Variants in MEX3D observed in about 807,000 individuals in gnomAD.
MEX3D encodes mex-3 RNA binding family member D.
MEX3D carries 4 observed loss-of-function variants against 6.3 expected under a neutral mutation model. The observed-to-expected ratio is 0.64, with a 90% CI of 0.31 to 1.46. The LOEUF is 1.46. Ranked by LOEUF, MEX3D falls within the 40% of genes most tolerant of loss-of-function variation. The pLI is 0.07. For missense variants in MEX3D, 1,038 were observed against 994.4 expected (o/e 1.04, Z -0.59); for synonymous variants, 626 against 494.1 (o/e 1.27, Z -3.54).
At chr19:1,565,814 A>G (rs1309636900) in intron 1 of MEX3D, among the ~76,000 whole-genome samples, 1 of 152,176 alleles carries the variant, frequency 6.6e-6, no homozygotes, top group African/African-American at 2.4e-5. Context: ...TTTCCCATGG[A>G]CCTGCCCCTA....
intron 1 of MEX3D, among the ~76,000 whole-genome samples, chr19:1,565,521 G>A (rs548797955): frequency 3.3e-5 from 5 of 152,286 alleles, no homozygotes; most frequent in South Asian, 2.1e-4. Flanking sequence ...CAGCCTGGGC[G>A]ACAGAGCGAA....
chr19:1,561,982 C>G (rs1914729238), intron 1 of MEX3D, among the ~76,000 whole-genome samples: 1 of 150,030 alleles, frequency 6.7e-6, no homozygotes, highest in Non-Finnish European at 1.5e-5. Context: ...CCAGGTGTGG[C>G]CGGGCACGGT....
intron 1 of MEX3D, among the ~76,000 whole-genome samples, chr19:1,561,010 T>C (rs375371038): frequency 1.3e-5 from 2 of 152,176 alleles, no homozygotes; most frequent in African/African-American, 4.8e-5. Flanking sequence ...TGCAGATTCG[T>C]GGGCCATGTC....
At position 1,555,593 on chromosome 19, in the gene MEX3D, CGGCGTGCGGCA is replaced by C; in HGVS notation, c.1915_1925del (p.Cys639GlyfsTer64). 2 of 1,590,414 alleles carry C rather than the reference CGGCGTGCGGCA, an allele frequency of 1.3e-6. No individual in the cohort carries two copies. Among genetic ancestry groups the C allele is most frequent in the Non-Finnish European group, 1.7e-6 (2 of 1,170,454 alleles). ...AAAAGATATGAATGGCCTGGGTGGC[CGGCGTGCGGCA>C]GGCGGGACACTCGGGCTCGCTCTTG... On this transcript the variant is annotated frameshift_variant, in exon 2 of 2. Transcript: ENST00000402693. LOFTEE classifies it high-confidence loss of function.
Position 1,555,262 on chromosome 19 carries a change from T to A in MEX3D, c.*301A>T. The A allele has an allele frequency of 6.8e-7, 1 of 1,479,712 alleles. No homozygotes were observed. Among genetic ancestry groups the A allele is most frequent in the Non-Finnish European group, 9.2e-7 (1 of 1,090,562 alleles). 91.7% of individuals were successfully genotyped at this position (1,479,712 alleles called of 1,614,324 possible). A position where few individuals can be genotyped will look rare whatever the true frequency, so the allele number is the denominator to read the frequency against. ...AAGATCACCCTGGAGGGGAGGGGTG[T>A]CTAAAAATAAGAAAACTAAAAAAAG... On this transcript the variant is annotated 3_prime_UTR_variant, in exon 2 of 2. Coordinates refer to ENST00000402693, the MANE Select transcript of MEX3D (RefSeq NM_203304.4).
chr19:1,564,358 C>A (rs1914788238), intron 1 of MEX3D, among the ~76,000 whole-genome samples: 1 of 151,894 alleles, frequency 6.6e-6, no homozygotes, highest in Admixed American at 6.6e-5. Flanking sequence ...CATGGCGAAA[C>A]CCCGTCTCTA....
chr19:1,557,856 C>T (rs1173015322), intron 1 of MEX3D, among the ~76,000 whole-genome samples: 3 of 17,994 alleles, frequency 1.7e-4, no homozygotes, highest in South Asian at 2.5e-3. Context: ...GCGAGACTGT[C>T]TCAAAAAAAA....
Position 1,556,703 on chromosome 19 carries a change from T to G in MEX3D, c.816A>C (p.Gly272=). Reference sequence around the variant, plus strand: ...GCACGCGCACCTGGATGGTGGTCTGTCCGGGAAGGTTGGGCGGGCCCTGGG... The same window carrying G: ...GCACGCGCACCTGGATGGTGGTCTGGCCGGGAAGGTTGGGCGGGCCCTGGG... ...GAAQGPPNLP[G]QTTIQVRVPY... Residue 272 remains glycine (G), a synonymous_variant, in exon 2 of 2, where the codon GGA becomes GGC. Transcript: ENST00000402693. This position sits in a 1 kb window ranked among gnomAD's most constrained non-coding sequence, Gnocchi z 7.5. The G allele has an allele frequency of 1.9e-6, 3 of 1,610,918 alleles. No individual in the cohort carries two copies. The highest frequency in any genetic ancestry group is 2.5e-6 in the Non-Finnish European group (3 of 1,178,946).
rs1223335215 is a variant in MEX3D, at chr19:1,567,694, CCGGGGGCCACGG to C, written c.353_364del (p.Ala118_Pro121del). ...GTTGGGGTCCAGCAGCGGCAGCGACCCGGGGGCCACGGCGGGGGCCAGGGTCGGGGGCGCGCC... is the reference window on the plus strand; with the variant it reads ...GTTGGGGTCCAGCAGCGGCAGCGACCCGGGGGCCAGGGTCGGGGGCGCGCC... On this transcript the variant is annotated inframe_deletion, in exon 1 of 2. Transcript: ENST00000402693. The surrounding 1 kb of genome is among the most constrained non-coding windows in gnomAD (Gnocchi z 6.5). 9.0e-7 allele frequency: 1 copy of C among 1,107,468 alleles called. No homozygotes were observed. Among genetic ancestry groups the C allele is most frequent in the Non-Finnish European group, 1.1e-6 (1 of 901,758 alleles). The allele number at this position is 1,107,468 out of a possible 1,614,324, so 68.6% of individuals were successfully genotyped here. A position where few individuals can be genotyped will look rare whatever the true frequency, so the allele number is the denominator to read the frequency against.
rs140182984 is a variant in MEX3D, at chr19:1,559,528, A to T, written c.596-2605T>A. ...CAGTCCTCCTGCCTCGGCCTCCCAAAGTGCTGGGATGACAGGTGTGGGCCA... is the reference window on the plus strand; with the variant it reads ...CAGTCCTCCTGCCTCGGCCTCCCAATGTGCTGGGATGACAGGTGTGGGCCA... On this transcript the variant is annotated intron_variant, in intron 1 of 1. Coordinates refer to ENST00000402693, the MANE Select transcript of MEX3D (RefSeq NM_203304.4). Among the ~76,000 whole-genome samples the T allele has an allele frequency of 1.1e-4, 16 of 152,302 alleles. No homozygotes were observed. The East Asian group carries it at 3.1e-3, about 29-fold the overall frequency.
In MEX3D at chr19:1,555,850, C is replaced by T. The variant is rs771664929; in HGVS notation, c.1669G>A (p.Ala557Thr). 8 of 1,331,658 alleles carry T rather than the reference C, an allele frequency of 6.0e-6. No individual in the cohort carries two copies. Among genetic ancestry groups the T allele is most frequent in the East Asian group, 3.3e-5 (1 of 29,904 alleles). 82.5% of individuals were successfully genotyped at this position (1,331,658 alleles called of 1,614,324 possible). Residue 557 changes from alanine to threonine, a missense_variant, in exon 2 of 2, where the codon GCC becomes ACC. By Grantham distance (58) the Ala-to-Thr change is moderately conservative. Transcript: ENST00000402693. Reference protein sequence around the residue: ...QGPVSFPGGAAFSTATSLPSS... With the variant: ...QGPVSFPGGATFSTATSLPSS... Reference sequence around the variant, plus strand: ...GGCAGCGAGGTGGCCGTGGAGAAGGCGGCGCCGCCTGGGAAGGATACGGGG... The same window carrying T: ...GGCAGCGAGGTGGCCGTGGAGAAGGTGGCGCCGCCTGGGAAGGATACGGGG...
In MEX3D at chr19:1,556,362, G is replaced by A. The variant is rs1267693860; in HGVS notation, c.1157C>T (p.Ala386Val). 1 of 1,472,754 alleles carries A rather than the reference G, an allele frequency of 6.8e-7. No homozygotes were observed. Among genetic ancestry groups the A allele is most frequent in the South Asian group, 1.4e-5 (1 of 73,060 alleles). 91.2% of individuals were successfully genotyped at this position (1,472,754 alleles called of 1,614,324 possible). The change falls in exon 2 of 2, where the codon GCC (alanine) becomes GTC (valine). Residue 386 changes from alanine to valine, a missense_variant. By Grantham distance (64) the Ala-to-Val change is moderately conservative (BLOSUM62 0). This residue lies in a region of MEX3D where 581 missense variants were observed against 516.2 expected (regional missense o/e 1.13). Transcript: ENST00000402693. The surrounding 1 kb of genome is among the most constrained non-coding windows in gnomAD (Gnocchi z 7.5). ...CGTGTCCCCGCGGAGGCCGGCCGTG[G>A]CCGTGGGGGGCCGTCGTCCCTGGTT... is the stretch of plus-strand genomic sequence containing the variant. ...TPNQGRRPPT[A>V]TAGLRGDTAL...
chr19:1,556,435 A>G lies in MEX3D; in HGVS notation c.1084T>C (p.Cys362Arg). ...SDFHANGTDV[C>R]LDLLGAAASL... is the part of the protein sequence containing the mutation. Reference sequence around the variant, plus strand: ...GCGGCCGCCCCGAGCAGGTCCAGGCAGACGTCGGTGCCGTTGGCGTGGAAG... The same window carrying G: ...GCGGCCGCCCCGAGCAGGTCCAGGCGGACGTCGGTGCCGTTGGCGTGGAAG... Residue 362 changes from cysteine (C) to arginine (R), a missense_variant, in exon 2 of 2, where the codon TGC (cysteine) becomes CGC (arginine). Cys to Arg is a radical substitution (Grantham distance 180). Transcript: ENST00000402693. The surrounding 1 kb of genome is among the most constrained non-coding windows in gnomAD (Gnocchi z 7.5). 6.3e-7 allele frequency: 1 copy of G among 1,595,792 alleles called. No homozygotes were observed. The highest frequency in any genetic ancestry group is 8.5e-7 in the Non-Finnish European group (1 of 1,176,950).
In MEX3D at chr19:1,555,428, G is replaced by T. The variant is rs377542036; in HGVS notation, c.*135C>A. On this transcript the variant is annotated 3_prime_UTR_variant, in exon 2 of 2. Transcript: ENST00000402693. Reference sequence around the variant, plus strand: ...TAAAGCTCATCTGTAAACACTGGCCGCCGCCCACCCCCCTGCCCCCTCGGC... The same window carrying T: ...TAAAGCTCATCTGTAAACACTGGCCTCCGCCCACCCCCCTGCCCCCTCGGC... 4 of 1,553,888 alleles carry T rather than the reference G, an allele frequency of 2.6e-6. No individual in the cohort carries two copies. Among genetic ancestry groups the T allele is most frequent in the Non-Finnish European group, 3.5e-6 (4 of 1,154,158 alleles).
In MEX3D at chr19:1,567,658, G is replaced by A. The variant is rs1914879133; in HGVS notation, c.401C>T (p.Pro134Leu). The change falls in exon 1 of 2, where the codon CCG becomes CTG. Residue 134 changes from proline to leucine, a missense_variant. Physicochemically the swap from Pro to Leu is moderately conservative, Grantham distance 98. Around this residue, in one of 5 missense-constraint regions of MEX3D, gnomAD observed 265 missense variants for 206.3 expected, o/e 1.28. Coordinates refer to ENST00000402693, the MANE Select transcript of MEX3D (RefSeq NM_203304.4). The surrounding 1 kb of genome is among the most constrained non-coding windows in gnomAD (Gnocchi z 6.5). ...LPLLDPNASPPPPPPPRPSPP... is the reference protein window; with the variant it reads ...LPLLDPNASPLPPPPPRPSPP... ...CGACGGCCGGGGCGGCGGCGGCGGCGGGGGACTCGCGTTGGGGTCCAGCAG... is the reference window on the plus strand; with the variant it reads ...CGACGGCCGGGGCGGCGGCGGCGGCAGGGGACTCGCGTTGGGGTCCAGCAG... 6 of 1,209,346 alleles carry A rather than the reference G, an allele frequency of 5.0e-6. No homozygotes were observed. In the Admixed American group the frequency reaches 2.2e-4, roughly 45 times the overall value. 74.9% of individuals were successfully genotyped at this position (1,209,346 alleles called of 1,614,324 possible).
chr19:1,556,281 G>A lies in MEX3D; in HGVS notation c.1238C>T (p.Pro413Leu), dbSNP rs1434398751. 2 of 1,277,348 alleles carry A rather than the reference G, an allele frequency of 1.6e-6. No homozygotes were observed. The highest frequency in any genetic ancestry group is 4.5e-5 in the Admixed American group (1 of 22,328). The allele number at this position is 1,277,348 out of a possible 1,614,324, so 79.1% of individuals were successfully genotyped here. A position where few individuals can be genotyped will look rare whatever the true frequency, so the allele number is the denominator to read the frequency against. ...EAFYAGSRGG[P>L]SVPDPGPASP... ...GGCGGGGCCTGGGTCCGGCACGGAG[G>A]GGCCGCCGCGGCTGCCCGCGTAGAA... Residue 413 changes from proline to leucine, a missense_variant, in exon 2 of 2, where the codon CCC becomes CTC. By Grantham distance (98) the Pro-to-Leu change is moderately conservative. Coordinates refer to ENST00000402693, the MANE Select transcript of MEX3D (RefSeq NM_203304.4). The surrounding 1 kb of genome is among the most constrained non-coding windows in gnomAD (Gnocchi z 7.5).
At chr19:1,560,241 C>A (rs1914683207) in intron 1 of MEX3D, among the ~76,000 whole-genome samples, 1 of 152,274 alleles carries the variant, frequency 6.6e-6, no homozygotes, top group Admixed American at 6.5e-5. Context: ...GCAGGTCTCA[C>A]TGCAGCCCAC....
Position 1,555,779 on chromosome 19 carries a change from G to A in MEX3D, c.1740C>T (p.Ala580=), listed in dbSNP as rs1023279011. The A allele has an allele frequency of 6.2e-6, 9 of 1,458,018 alleles. No homozygotes were observed. Among genetic ancestry groups the A allele is most frequent in the South Asian group, 1.3e-5 (1 of 74,588 alleles). The allele number at this position is 1,458,018 out of a possible 1,614,324, so 90.3% of individuals were successfully genotyped here. ...AAGGGGGCTTGCGGCTGTTCTCGGA[G>A]GCGCCGGAGTCCAGGGGGGCGCAGG... The part of the protein sequence containing the change: ...AAACAPLDSG[A]SENSRKPPSA... Residue 580 remains alanine (A), a synonymous_variant, in exon 2 of 2, where the codon GCC becomes GCT. Transcript: ENST00000402693.
At position 1,556,236 on chromosome 19, in the gene MEX3D, C is replaced by G; in HGVS notation, c.1283G>C (p.Gly428Ala). The change falls in exon 2 of 2, where the codon GGC becomes GCC. Residue 428 changes from glycine to alanine, a missense_variant. Around this residue, in one of 5 missense-constraint regions of MEX3D, gnomAD observed 581 missense variants for 516.2 expected, o/e 1.13. Coordinates refer to ENST00000402693, the MANE Select transcript of MEX3D (RefSeq NM_203304.4). This position sits in a 1 kb window ranked among gnomAD's most constrained non-coding sequence, Gnocchi z 7.5. ...PGPASPYSGS[G>A]NGGFAFGAEG... Reference sequence around the variant, plus strand: ...CGCGCCGAAGGCGAAGCCCCCGTTGCCGGAGCCGCTGTAGGGGCTGGCGGG... The same window carrying G: ...CGCGCCGAAGGCGAAGCCCCCGTTGGCGGAGCCGCTGTAGGGGCTGGCGGG... The G allele has an allele frequency of 1.4e-6, 2 of 1,398,088 alleles. No homozygotes were observed. Among genetic ancestry groups the G allele is most frequent in the Non-Finnish European group, 9.3e-7 (1 of 1,077,520 alleles). 86.6% of individuals were successfully genotyped at this position (1,398,088 alleles called of 1,614,324 possible).
Sources: gnomAD v4.1 joint callset for allele counts (sites outside exome capture counted in the v4.1 genomes callset) on GRCh38, gnomAD v4.1.1 for gene constraint, gnomAD v4.1.1 regional missense constraint, Gnocchi (gnomAD v3.1) non-coding constraint, MANE v1.5 for transcripts, NCBI Gene and HGNC (gene_info 2026-07-23, HGNC 2026-07-21) for gene names.